MALRD1: variants seen among roughly 807,000 people sequenced by gnomAD.
MALRD1 encodes MAM and LDL receptor class A domain containing 1.
A neutral mutation model predicts 242.1 loss-of-function variants in MALRD1; 247 were observed. That is an observed-to-expected ratio of 1.02 (90% CI 0.92 to 1.13). The LOEUF is 1.13. MALRD1 is among the 50% of genes most tolerant of loss of function. MALRD1 has a pLI of 0.00. For synonymous variants in MALRD1, 995 were observed against 866.6 expected (o/e 1.15, Z -2.60); for missense variants, 2,989 against 2,533.1 (o/e 1.18, Z -3.86).
At chr10:19,498,350 A>T in intron 30 of MALRD1, 135 bp from the exon 31 acceptor site, 1 of 766,654 alleles carries the variant, frequency 1.3e-6, no homozygotes, top group South Asian at 2.3e-5. Flanking sequence ...AATGAGTACA[A>T]ATGTCTTGAT....
chr10:19,695,638 G>A (rs1362940323), intron 38 of MALRD1, among the ~76,000 whole-genome samples: 2 of 151,016 alleles, frequency 1.3e-5, no homozygotes, highest in Non-Finnish European at 2.9e-5. Flanking sequence ...TTCTGCCTCA[G>A]CCTCCTGAGT....
In MALRD1 at chr10:19,095,351, C is replaced by G. The variant is rs976103508; in HGVS notation, c.597+7166C>G. 9.2e-5 allele frequency among the ~76,000 whole-genome samples: 14 copies of G among 152,148 alleles called. No homozygotes were observed. The East Asian group carries it at 2.1e-3, about 23-fold the overall frequency. On this transcript the variant is annotated intron_variant, in intron 4 of 39. Transcript: ENST00000454679. ...GGTCAAAAGAAGGCTACAAAAAATC[C>G]CTTAACAGATGGTTAAATGACACCC...
At chr10:19,556,858 C>T (rs1237468315) in intron 32 of MALRD1, among the ~76,000 whole-genome samples, 1 of 152,068 alleles carries the variant, frequency 6.6e-6, no homozygotes, top group East Asian at 1.9e-4. Flanking sequence ...AGTGGCTATA[C>T]CAGTTTGCAT....
Position 19,136,707 on chromosome 10 carries a change from G to A in MALRD1, c.1337G>A (p.Cys446Tyr). 1 of 1,231,704 alleles carries A rather than the reference G, an allele frequency of 8.1e-7. No homozygotes were observed. Among genetic ancestry groups the A allele is most frequent in the South Asian group, 4.1e-5 (1 of 24,320 alleles). 76.3% of individuals were successfully genotyped at this position (1,231,704 alleles called of 1,614,324 possible). The change falls in exon 10 of 40, where the codon TGC (cysteine) becomes TAC (tyrosine). Residue 446 changes from cysteine (C) to tyrosine (Y), a missense_variant. Transcript: ENST00000454679. ...ADEFPCTSGQCIAKESVCDSR... is the reference protein window; with the variant it reads ...ADEFPCTSGQYIAKESVCDSR... ...GAATTCCCTTGCACTAGTGGCCAGT[G>A]CATCGCCAAAGAATCTGTCTGTGAC...
intron 38 of MALRD1, among the ~76,000 whole-genome samples, chr10:19,701,695 T>G (rs1248046446): frequency 1.2e-5 from 1 of 84,962 alleles, no homozygotes; most frequent in Admixed American, 1.4e-4. Context: ...TCCCCTCCCC[T>G]TCCTCTTCCC....
intron 18 of MALRD1, among the ~76,000 whole-genome samples, chr10:19,215,730 A>AAATTGAAACCTTTGC (rs1837283727): frequency 4.3e-5 from 5 of 115,510 alleles, no homozygotes; most frequent in Admixed American, 9.4e-5. Context: ...AATTAGTATA[A>AAATTGAAACCTTTGC]ATAATTTAGT....
chr10:19,247,371 C>A (rs1310824739), intron 18 of MALRD1, among the ~76,000 whole-genome samples: 2 of 151,910 alleles, frequency 1.3e-5, no homozygotes, highest in African/African-American at 4.8e-5. Context: ...CTTAAATATT[C>A]AAGGATAACT....
intron 14 of MALRD1, among the ~76,000 whole-genome samples, chr10:19,202,187 T>A (rs1836568374): frequency 6.6e-6 from 1 of 151,336 alleles, no homozygotes. Context: ...TATACTGAAG[T>A]ATAGCTATCT....
chr10:19,631,473 A>T (rs1349879315), intron 36 of MALRD1, among the ~76,000 whole-genome samples: 2 of 152,100 alleles, frequency 1.3e-5, no homozygotes, highest in Non-Finnish European at 2.9e-5. Context: ...ATGTGTCTTT[A>T]TGGTAGGACA....
At chr10:19,204,577 G>A (rs993692380) in intron 16 of MALRD1, among the ~76,000 whole-genome samples, 164 bp downstream of exon 16, 3 of 151,980 alleles carry the variant, frequency 2.0e-5, no homozygotes, top group South Asian at 2.1e-4. Context: ...ACCTAGGAGC[G>A]TGTTCTCAGT....
At chr10:19,193,262 A>G (rs986281476) in intron 14 of MALRD1, among the ~76,000 whole-genome samples, 1 of 152,222 alleles carries the variant, frequency 6.6e-6, no homozygotes, top group Non-Finnish European at 1.5e-5. Flanking sequence ...ATGAAATAAG[A>G]TGGAACTATC....
intron 34 of MALRD1, among the ~76,000 whole-genome samples, chr10:19,600,608 A>G (rs1208554302): frequency 2.6e-5 from 4 of 152,150 alleles, no homozygotes; most frequent in Non-Finnish European, 5.9e-5. Context: ...AGAAATATTG[A>G]CCTGCTGCAT....
rs184146453 is a variant in MALRD1, at chr10:19,153,599, G to T, written c.1559-1476G>T. Among the ~76,000 whole-genome samples the T allele has an allele frequency of 4.3e-4, 65 of 151,894 alleles. 1 individual carries two copies. In the South Asian group the frequency reaches 0.011, roughly 26 times the overall value. Reference sequence around the variant, plus strand: ...CTCCCAGTGGGAGGCTGAAGTTGGAGGATTGTTTGAACCCAGGAGTTCCAG... The same window carrying T: ...CTCCCAGTGGGAGGCTGAAGTTGGATGATTGTTTGAACCCAGGAGTTCCAG... On this transcript the variant is annotated intron_variant, in intron 11 of 39. Coordinates refer to ENST00000454679, the MANE Select transcript of MALRD1 (RefSeq NM_001142308.3).
At chr10:19,620,085 C>T (rs1839336516) in intron 36 of MALRD1, among the ~76,000 whole-genome samples, 1 of 151,674 alleles carries the variant, frequency 6.6e-6, no homozygotes, top group South Asian at 2.1e-4. Flanking sequence ...AATCAAAGAC[C>T]TTAAAGTATG....
At chr10:19,512,720 TGCAGC>T (rs1833460048) in intron 31 of MALRD1, among the ~76,000 whole-genome samples, 1 of 152,200 alleles carries the variant, frequency 6.6e-6, no homozygotes, top group African/African-American at 2.4e-5. Context: ...TAGGTAGAAA[TGCAGC>T]GCCTAAAGAC....
chr10:19,588,821 TTAG>T (rs1431629307), intron 33 of MALRD1, among the ~76,000 whole-genome samples: 1 of 152,130 alleles, frequency 6.6e-6, no homozygotes, highest in African/African-American at 2.4e-5. Context: ...TTTTGTATTT[TTAG>T]TAGAGATAGG....
In MALRD1 at chr10:19,439,359, G is replaced by A. The variant is rs534481819; in HGVS notation, c.4846-10948G>A. Among the ~76,000 whole-genome samples, 17 of 152,008 alleles carry A rather than the reference G, an allele frequency of 1.1e-4. No individual in the cohort carries two copies. In the South Asian group the frequency reaches 2.9e-3, roughly 26 times the overall value. On this transcript the variant is annotated intron_variant, in intron 28 of 39. Transcript: ENST00000454679. ...CAGCCTGGGCAACATAGTAAGGCCC[G>A]GTCTCTGCACAAAAATAAATTTTAA...
chr10:19,067,768 T>C (rs1331905269), intron 2 of MALRD1, among the ~76,000 whole-genome samples: 1 of 152,124 alleles, frequency 6.6e-6, no homozygotes, highest in African/African-American at 2.4e-5. Flanking sequence ...TTTTAAGAAC[T>C]AAATGAAAAA....
intron 31 of MALRD1, among the ~76,000 whole-genome samples, chr10:19,511,541 A>G (rs1013788159): frequency 2.2e-4 from 33 of 152,306 alleles, no homozygotes; most frequent in Non-Finnish European, 3.4e-4. Flanking sequence ...AATTTCTGGC[A>G]TAATTAACTG....
Sources: allele counts gnomAD v4.1 joint callset (sites outside exome capture counted in the v4.1 genomes callset), GRCh38; gene constraint gnomAD v4.1.1; transcripts MANE v1.5; gene names NCBI Gene and HGNC (gene_info 2026-07-23, HGNC 2026-07-21).